The following ERC2 variants were observed in gnomAD, a reference collection of about 807,000 sequenced individuals.
ERC2 encodes the protein ERC protein 2.
ERC2 carries 42 observed loss-of-function variants against 114.8 expected under a neutral mutation model. The observed-to-expected ratio is 0.37, with a 90% CI of 0.29 to 0.47. ERC2 has a LOEUF of 0.47. Among genes scored for constraint, ERC2 ranks in the 20% least tolerant of loss-of-function variants. The probability of loss-of-function intolerance (pLI) is 0.99; values close to 1 mark genes in which losing one functional copy is unlikely to be tolerated. For synonymous variants in ERC2, 454 were observed against 425.5 expected (o/e 1.07, Z -0.82); for missense variants, 939 against 1,150.7 (o/e 0.82, Z 2.66).
At chr3:56,016,788 C>A (rs2073340679) in intron 8 of ERC2, among the ~76,000 whole-genome samples, 1 of 152,110 alleles carries the variant, frequency 6.6e-6, no homozygotes, top group Non-Finnish European at 1.5e-5. Context: ...GCCAGGCTCA[C>A]CCAGTTAATT....
chr3:56,150,786 T>C (rs2081373350), intron 4 of ERC2, among the ~76,000 whole-genome samples: 1 of 152,174 alleles, frequency 6.6e-6, no homozygotes, highest in South Asian at 2.1e-4. Flanking sequence ...AAAAGTGTTA[T>C]GGACTGAATG....
intron 7 of ERC2, among the ~76,000 whole-genome samples, chr3:56,066,529 C>A (rs567200363): frequency 5.9e-4 from 90 of 152,232 alleles, no homozygotes; most frequent in African/African-American, 2.1e-3. Context: ...ATGATAGTTT[C>A]TTTTTCTGTG....
At chr3:56,456,321 G>C (rs1183070281) in intron 1 of ERC2, among the ~76,000 whole-genome samples, 1 of 152,146 alleles carries the variant, frequency 6.6e-6, no homozygotes, top group Non-Finnish European at 1.5e-5. Context: ...AAAGGATTAG[G>C]TTACATACTC....
intron 6 of ERC2, among the ~76,000 whole-genome samples, chr3:56,120,181 C>A (rs2079494066): frequency 6.6e-6 from 1 of 152,164 alleles, no homozygotes; most frequent in Non-Finnish European, 1.5e-5. Context: ...TTTCCTGCTT[C>A]TCTTAGAGTC....
chr3:56,351,951 C>T (rs1293715914), intron 2 of ERC2, among the ~76,000 whole-genome samples: 1 of 151,968 alleles, frequency 6.6e-6, no homozygotes, highest in Admixed American at 6.6e-5. Context: ...GCATGAGATA[C>T]AGGGAGTAGA....
chr3:55,867,846 T>C (rs1559788951), intron 14 of ERC2, among the ~76,000 whole-genome samples: 1 of 152,214 alleles, frequency 6.6e-6, no homozygotes, highest in Non-Finnish European at 1.5e-5. Flanking sequence ...AGCACTTTTA[T>C]AGCTATAAAG....
chr3:55,566,710 C>CCA (rs2107504964), intron 17 of ERC2, among the ~76,000 whole-genome samples: 1 of 152,246 alleles, frequency 6.6e-6, no homozygotes, highest in Admixed American at 6.5e-5. Context: ...CAGGCATGAG[C>CCA]CACCGTGCAA....
intron 14 of ERC2, among the ~76,000 whole-genome samples, chr3:55,781,207 G>C (rs895486341): frequency 1.3e-5 from 2 of 152,154 alleles, no homozygotes; most frequent in African/African-American, 4.8e-5. Flanking sequence ...GATGTCCGGG[G>C]CCATGACATC....
At chr3:55,936,054 C>T (rs528394911) in intron 13 of ERC2, among the ~76,000 whole-genome samples, 1 of 152,140 alleles carries the variant, frequency 6.6e-6, no homozygotes, top group Non-Finnish European at 1.5e-5. Context: ...TATCTTATTA[C>T]CTATCAGGCA....
intron 17 of ERC2, among the ~76,000 whole-genome samples, chr3:55,519,415 C>T (rs1279544383): frequency 6.6e-6 from 1 of 152,160 alleles, no homozygotes; most frequent in African/African-American, 2.4e-5. Context: ...CATCCCAGGG[C>T]CCATTGATGC....
intron 14 of ERC2, among the ~76,000 whole-genome samples, chr3:55,822,920 T>C (rs1295413848): frequency 6.6e-6 from 1 of 152,170 alleles, no homozygotes; most frequent in Non-Finnish European, 1.5e-5. Flanking sequence ...GCCCCAAGAA[T>C]TTTTAATAGC....
At chr3:55,969,497 A>C (rs1248056961) in intron 12 of ERC2, among the ~76,000 whole-genome samples, 1 of 151,868 alleles carries the variant, frequency 6.6e-6, no homozygotes, top group African/African-American at 2.4e-5. Context: ...GTCCCAGCCA[A>C]ATGTCTCTGC....
intron 7 of ERC2, among the ~76,000 whole-genome samples, chr3:56,075,921 T>TA (rs893729246): frequency 6.6e-6 from 1 of 152,292 alleles, no homozygotes; most frequent in East Asian, 1.9e-4. Flanking sequence ...GGTATTACTA[T>TA]AAAAAAATTT....
Position 56,193,068 on chromosome 3 carries a change from T to C in ERC2, c.1075-19548A>G, listed in dbSNP as rs750719648. Among the ~76,000 whole-genome samples, 5 of 152,272 alleles carry C rather than the reference T, an allele frequency of 3.3e-5. No individual in the cohort carries two copies. The South Asian group carries it at 1.0e-3, about 32-fold the overall frequency. On this transcript the variant is annotated intron_variant, in intron 3 of 17. Coordinates refer to ENST00000288221, the MANE Select transcript of ERC2 (RefSeq NM_015576.3). Reference sequence around the variant, plus strand: ...ATCAATTTACAAAACAGGTATATGGTAGATTGGCAGCCTATATTAATGATG... The same window carrying C: ...ATCAATTTACAAAACAGGTATATGGCAGATTGGCAGCCTATATTAATGATG...
intron 3 of ERC2, among the ~76,000 whole-genome samples, chr3:56,230,386 G>A (rs2050540467): frequency 6.6e-6 from 1 of 152,120 alleles, no homozygotes; most frequent in South Asian, 2.1e-4. Flanking sequence ...AGTAAATAAA[G>A]CAGGACTGCA....
At chr3:56,116,718 G>C (rs1217298765) in intron 6 of ERC2, among the ~76,000 whole-genome samples, 5 of 151,986 alleles carry the variant, frequency 3.3e-5, no homozygotes, top group Admixed American at 6.6e-5. Flanking sequence ...TTTTCCATCA[G>C]GATTCTATTA....
intron 17 of ERC2, among the ~76,000 whole-genome samples, chr3:55,678,185 G>C (rs1455383719): frequency 6.6e-6 from 1 of 152,174 alleles, no homozygotes; most frequent in East Asian, 1.9e-4. Context: ...GCAATTGGAA[G>C]TAGGCAGAGA....
At chr3:55,685,173 T>G (rs1310763282) in intron 16 of ERC2, among the ~76,000 whole-genome samples, 1 of 152,308 alleles carries the variant, frequency 6.6e-6, no homozygotes, top group East Asian at 1.9e-4. Context: ...TTGAAAAAAG[T>G]ATTCTGAGAA....
At chr3:55,995,728 GC>G (rs1051368509) in intron 10 of ERC2, among the ~76,000 whole-genome samples, 1 of 152,144 alleles carries the variant, frequency 6.6e-6, no homozygotes, top group African/African-American at 2.4e-5. Flanking sequence ...GCTCTATTCA[GC>G]CTGAGTCACA....
Sources: gnomAD v4.1 joint callset for allele counts (sites outside exome capture counted in the v4.1 genomes callset) on GRCh38, gnomAD v4.1.1 for gene constraint, MANE v1.5 for transcripts, NCBI Gene and HGNC (gene_info 2026-07-23, HGNC 2026-07-21) for gene names.